The following PLAGL1 variants were observed in gnomAD, a reference collection of about 807,000 sequenced individuals.
The protein encoded by PLAGL1 is zinc finger protein PLAGL1.
PLAGL1 carries 1 observed loss-of-function variant against 4.6 expected under a neutral mutation model. That is an observed-to-expected ratio of 0.22 (90% CI 0.08 to 1.03). PLAGL1 has a LOEUF of 1.03. PLAGL1 is among the 50% of genes least tolerant of loss of function. The pLI is 0.58. For missense variants in PLAGL1, 464 were observed against 570.4 expected, an observed-to-expected ratio of 0.81 and a Z score of 1.90; for synonymous variants, 240 against 237.8, an observed-to-expected ratio of 1.01 and a Z score of -0.08.
At position 143,997,209 on chromosome 6, in the gene PLAGL1, C is replaced by A. The variant is rs140115353; in HGVS notation, c.-584+10881G>T. Among the ~76,000 whole-genome samples, 581 of 152,190 alleles carry A rather than the reference C, an allele frequency of 3.8e-3. 1 individual carries two copies. Among genetic ancestry groups the A allele is most frequent in the African/African-American group, 0.012 (512 of 41,564 alleles). On this transcript the variant is annotated intron_variant, in intron 1 of 7. Transcript: ENST00000674357. The surrounding 1 kb of genome is among the most constrained non-coding windows in gnomAD (Gnocchi z 4.6). ...ACTCCAACTACAACTCTATTGCTAGCAAAAGTGTACACATATGCATTCAGT... is the reference window on the plus strand; with the variant it reads ...ACTCCAACTACAACTCTATTGCTAGAAAAAGTGTACACATATGCATTCAGT...
rs1227381768 is a variant in PLAGL1 at position 144,022,546 on chromosome 6, G to A, written c.-151+41922C>T. Among the ~76,000 whole-genome samples the A allele has an allele frequency of 6.6e-6, 1 of 152,198 alleles. No homozygotes were observed. Among genetic ancestry groups the A allele is most frequent in the Non-Finnish European group, 1.5e-5 (1 of 68,036 alleles). The stretch of plus-strand genomic sequence containing the variant: ...TACCCAAATCTCATCTTGAATTGTA[G>A]CTCCCATAATTCCCATGTGTTGTGG... On this transcript the variant is annotated intron_variant, in intron 1 of 3. Coordinates refer to the PLAGL1 transcript ENST00000437412. This position sits in a 1 kb window ranked among gnomAD's most constrained non-coding sequence, Gnocchi z 4.2.
At position 143,948,728 on chromosome 6, in the gene PLAGL1, T is replaced by C. The variant is rs1206302832; in HGVS notation, c.-324-268A>G. Among the ~76,000 whole-genome samples, 2 of 151,112 alleles carry C rather than the reference T, an allele frequency of 1.3e-5. No individual in the cohort carries two copies. The highest frequency in any genetic ancestry group is 2.9e-5 in the Non-Finnish European group (2 of 67,996). On this transcript the variant is annotated intron_variant, in intron 6 of 7. Transcript: ENST00000674357. The surrounding 1 kb of genome is among the most constrained non-coding windows in gnomAD (Gnocchi z 6.0). The stretch of plus-strand genomic sequence containing the variant: ...TTTCCACGGATCCAGTATTATCTAT[T>C]TCAGGTCAGTGTGAAGCTCCATTGA...
At chr6:144,041,439 T>G (rs1202732349) in intron 1 of PLAGL1, among the ~76,000 whole-genome samples, 2 of 152,066 alleles carry the variant, frequency 1.3e-5, no homozygotes, top group Non-Finnish European at 2.9e-5. Flanking sequence ...GGTGTTTGGT[T>G]TTTTGTCCCT....
chr6:143,942,999 G>A lies in PLAGL1; in HGVS notation c.153-336C>T, dbSNP rs1778970698. Reference sequence around the variant, plus strand: ...TCCCACCTTAGCCTCTCAAATAGCTGAACTACAGGCACACACCACCAGGCC... The same window carrying A: ...TCCCACCTTAGCCTCTCAAATAGCTAAACTACAGGCACACACCACCAGGCC... On this transcript the variant is annotated intron_variant, in intron 7 of 7. Transcript: ENST00000674357. This position sits in a 1 kb window ranked among gnomAD's most constrained non-coding sequence, Gnocchi z 7.6. Among the ~76,000 whole-genome samples the A allele has an allele frequency of 7.3e-6, 1 of 137,700 alleles. No homozygotes were observed. Among genetic ancestry groups the A allele is most frequent in the South Asian group, 2.5e-4 (1 of 4,062 alleles). The allele number at this position is 137,700 out of a possible 152,430, so 90.3% of individuals were successfully genotyped here.
intron 1 of PLAGL1, among the ~76,000 whole-genome samples, chr6:144,003,682 CAT>C (rs1793482510): frequency 6.7e-6 from 1 of 148,334 alleles, no homozygotes; most frequent in African/African-American, 2.5e-5. Context: ...TTCCTGCAAA[CAT>C]ATACCCAAGA....
Position 143,963,715 on chromosome 6 carries a change from A to G in PLAGL1, c.-399+1072T>C, listed in dbSNP as rs1343137571. Among the ~76,000 whole-genome samples the G allele has an allele frequency of 6.6e-6, 1 of 152,208 alleles. No individual in the cohort carries two copies. The highest frequency in any genetic ancestry group is 1.9e-4 in the East Asian group (1 of 5,196). Reference sequence around the variant, plus strand: ...AAGCTCTGCAGTCTAGATTGTTCTCAGAGATTAAGCTTTACAACTTTATTG... The same window carrying G: ...AAGCTCTGCAGTCTAGATTGTTCTCGGAGATTAAGCTTTACAACTTTATTG... On this transcript the variant is annotated intron_variant, in intron 5 of 7. Transcript: ENST00000674357. This position sits in a 1 kb window ranked among gnomAD's most constrained non-coding sequence, Gnocchi z 6.1.
intron 1 of PLAGL1, among the ~76,000 whole-genome samples, chr6:144,032,748 G>C (rs776522606): frequency 6.6e-6 from 1 of 152,004 alleles, no homozygotes; most frequent in Non-Finnish European, 1.5e-5. Context: ...TTTTAGTAGA[G>C]ACAGGGTTTC....
At chr6:144,062,361 AGTGAGACTCC>A (rs1799478282) in intron 1 of PLAGL1, among the ~76,000 whole-genome samples, 1 of 148,522 alleles carries the variant, frequency 6.7e-6, no homozygotes, top group Non-Finnish European at 1.5e-5. Context: ...TGGGTGACAG[AGTGAGACTCC>A]GTCTCAAACA....
rs144822851 is a variant in PLAGL1 at position 144,013,742 on chromosome 6, C to G, written c.-150-44764G>C. Among the ~76,000 whole-genome samples, 1 of 152,212 alleles carries G rather than the reference C, an allele frequency of 6.6e-6. No homozygotes were observed. Among genetic ancestry groups the G allele is most frequent in the African/African-American group, 2.4e-5 (1 of 41,450 alleles). On this transcript the variant is annotated intron_variant, in intron 1 of 3. Transcript: ENST00000437412. This position sits in a 1 kb window ranked among gnomAD's most constrained non-coding sequence, Gnocchi z 4.4. Reference sequence around the variant, plus strand: ...CCATCTTCACAACGCCTTCTCTGTGCGTGCCATGTGCTTTCTCCTGTGTGT... The same window carrying G: ...CCATCTTCACAACGCCTTCTCTGTGGGTGCCATGTGCTTTCTCCTGTGTGT...
rs1041653067 is a variant in PLAGL1 at position 144,056,112 on chromosome 6, C to T, written c.-151+8356G>A. Among the ~76,000 whole-genome samples the T allele has an allele frequency of 2.0e-5, 3 of 151,860 alleles. No individual in the cohort carries two copies. Among genetic ancestry groups the T allele is most frequent in the South Asian group, 2.1e-4 (1 of 4,794 alleles). ...CCCCCACCTCTGAAGAAATCTAGAC[C>T]TCCAAGGGATCAGTTTGAGAACCGC... On this transcript the variant is annotated intron_variant, in intron 1 of 3. Coordinates refer to the PLAGL1 transcript ENST00000437412. The surrounding 1 kb of genome is among the most constrained non-coding windows in gnomAD (Gnocchi z 4.7).
rs1047384817 is a variant in PLAGL1 at position 144,006,918 on chromosome 6, A to T, written c.-584+1172T>A. ...ATAAAGCGAACACCCCTATGACCTG[A>T]GAGACACTGATGTTCTATTCTCCGT... On this transcript the variant is annotated intron_variant, in intron 1 of 7. Coordinates refer to ENST00000674357, the MANE Select transcript of PLAGL1 (RefSeq NM_001317162.2). This position sits in a 1 kb window ranked among gnomAD's most constrained non-coding sequence, Gnocchi z 4.3. 1 of 152,172 alleles carries T rather than the reference A, an allele frequency of 6.6e-6. No individual in the cohort carries two copies. The highest frequency in any genetic ancestry group is 2.4e-5 in the African/African-American group (1 of 41,446). 9.4% of individuals were successfully genotyped at this position (152,172 alleles called of 1,614,324 possible).
In PLAGL1 at chr6:143,947,053, C is replaced by G. The variant is rs928515121; in HGVS notation, c.152+932G>C. Among the ~76,000 whole-genome samples the G allele has an allele frequency of 1.3e-5, 2 of 152,202 alleles. No homozygotes were observed. The highest frequency in any genetic ancestry group is 2.9e-5 in the Non-Finnish European group (2 of 68,038). On this transcript the variant is annotated intron_variant, in intron 7 of 7. Coordinates refer to ENST00000674357, the MANE Select transcript of PLAGL1 (RefSeq NM_001317162.2). The surrounding 1 kb of genome is among the most constrained non-coding windows in gnomAD (Gnocchi z 4.3). ...CATGGAAGTAGGTACCTAACAGGCA[C>G]TCAATAAATAACTTAGACTAAATGT... is the stretch of plus-strand genomic sequence containing the variant.
chr6:144,042,794 T>A (rs964242540), intron 1 of PLAGL1, among the ~76,000 whole-genome samples: 2 of 152,248 alleles, frequency 1.3e-5, no homozygotes, highest in Non-Finnish European at 2.9e-5. Context: ...TATTGATTCT[T>A]CCTACCCATG....
intron 1 of PLAGL1, among the ~76,000 whole-genome samples, chr6:144,002,701 T>C (rs983664152): frequency 6.6e-6 from 1 of 151,844 alleles, no homozygotes; most frequent in African/African-American, 2.4e-5. Context: ...CAAAAAAACA[T>C]TAAATGTCTA....
intron 1 of PLAGL1, among the ~76,000 whole-genome samples, chr6:144,001,988 G>A (rs1238092721): frequency 6.6e-6 from 1 of 151,660 alleles, no homozygotes; most frequent in African/African-American, 2.4e-5. Context: ...GGTGGATCCT[G>A]AAATTAAAAA....
rs966874080 is a variant in PLAGL1, at chr6:144,050,164, T to G, written c.-151+14304A>C. Among the ~76,000 whole-genome samples the G allele has an allele frequency of 6.6e-6, 1 of 152,128 alleles. No homozygotes were observed. The highest frequency in any genetic ancestry group is 1.5e-5 in the Non-Finnish European group (1 of 68,014). On this transcript the variant is annotated intron_variant, in intron 1 of 3. Transcript: ENST00000437412. The surrounding 1 kb of genome is among the most constrained non-coding windows in gnomAD (Gnocchi z 4.3). Reference sequence around the variant, plus strand: ...AAAATATTTATGTGTCTGGTGAGTTTTGAGGGAAATTGAGACCACCTAAGG... The same window carrying G: ...AAAATATTTATGTGTCTGGTGAGTTGTGAGGGAAATTGAGACCACCTAAGG...
At chr6:144,037,902 A>G (rs1467773069) in intron 1 of PLAGL1, among the ~76,000 whole-genome samples, 1 of 152,188 alleles carries the variant, frequency 6.6e-6, no homozygotes, top group African/African-American at 2.4e-5. Flanking sequence ...TCAGGCTACA[A>G]TTTCCCCCCT....
chr6:144,014,984 T>A (rs1795474375), intron 1 of PLAGL1, among the ~76,000 whole-genome samples: 1 of 152,188 alleles, frequency 6.6e-6, no homozygotes, highest in Non-Finnish European at 1.5e-5. Context: ...AACTTCTACA[T>A]GCATTTCACG....
rs966891387 is a variant in PLAGL1 at position 143,954,945 on chromosome 6, C to G, written c.-325+5524G>C. On this transcript the variant is annotated intron_variant, in intron 6 of 7. Transcript: ENST00000674357. The surrounding 1 kb of genome is among the most constrained non-coding windows in gnomAD (Gnocchi z 5.1). ...TATAGTTTAAATACCATCATATTAG[C>G]CAGAAAATAAAGACAGGTAACTAGT... Among the ~76,000 whole-genome samples the G allele has an allele frequency of 6.6e-6, 1 of 151,954 alleles. No individual in the cohort carries two copies.
Sources: gnomAD v4.1 joint callset for allele counts (sites outside exome capture counted in the v4.1 genomes callset) on GRCh38, gnomAD v4.1.1 for gene constraint, Gnocchi (gnomAD v3.1) non-coding constraint, MANE v1.5 for transcripts, NCBI Gene and HGNC (gene_info 2026-07-23, HGNC 2026-07-21) for gene names.